Variants in NBPF26 observed in about 807,000 individuals in gnomAD.
NBPF26 encodes the protein NBPF member 26, also known as NBPF family member NBPF26.
NBPF26 carries 79 observed loss-of-function variants against 119.6 expected under a neutral mutation model. The ratio of observed to expected loss-of-function variants is 0.66; its 90% CI spans 0.55 to 0.80. The LOEUF (loss-of-function observed/expected upper bound fraction) is 0.80. Among genes scored for constraint, NBPF26 ranks in the 30% least tolerant of loss-of-function variants. NBPF26 has a pLI of 0.00. For missense variants in NBPF26, 800 were observed against 1,198.2 expected, an observed-to-expected ratio of 0.67 and a Z score of 4.91; for synonymous variants, 299 against 457.7, an observed-to-expected ratio of 0.65 and a Z score of 4.43.
Position 120,840,336 on chromosome 1 carries a change from G to T in NBPF26, c.4104-14G>T, listed in dbSNP as rs1553273397. On this transcript the variant is annotated splice_polypyrimidine_tract_variant and intron_variant, in intron 29 of 29. Transcript: ENST00000620612. ...TTTCCCTGGCTGCTTCTTTAGTTTTGTCTCCTTTTGCAGGCTCAACAGCAT... is the reference window on the plus strand; with the variant it reads ...TTTCCCTGGCTGCTTCTTTAGTTTTTTCTCCTTTTGCAGGCTCAACAGCAT... 11 of 1,443,650 alleles carry T rather than the reference G, an allele frequency of 7.6e-6. 3 individuals carry two copies. The highest frequency in any genetic ancestry group is 3.9e-5 in the Admixed American group (2 of 51,276). The allele number at this position is 1,443,650 out of a possible 1,614,324, so 89.4% of individuals were successfully genotyped here.
intron 1 of NBPF26, among the ~76,000 whole-genome samples, chr1:120,743,702 C>A (rs1404471623): frequency 9.5e-6 from 1 of 105,534 alleles, no homozygotes; most frequent in East Asian, 2.5e-4. Flanking sequence ...GGCTGTGGGA[C>A]CTTGTTCATT....
At chr1:120,819,004 G>A (rs1285165040) in intron 15 of NBPF26, among the ~76,000 whole-genome samples, 2 of 112,754 alleles carry the variant, frequency 1.8e-5, no homozygotes, top group Non-Finnish European at 3.5e-5. Flanking sequence ...TCTGCTTGGT[G>A]GAGAGCTGAG....
intron 5 of NBPF26, 110 bp downstream of exon 5, chr1:120,805,875 T>C: frequency 1.1e-6 from 1 of 879,888 alleles, no homozygotes; most frequent in South Asian, 1.6e-5. Flanking sequence ...CCTGTACTTC[T>C]AGGAAAACAG....
chr1:120,823,790 G>GTGTGTGTT (rs1379538903), intron 17 of NBPF26, among the ~76,000 whole-genome samples, 184 bp from the exon 18 acceptor site: 1 of 109,786 alleles, frequency 9.1e-6, no homozygotes, highest in African/African-American at 5.1e-5. Flanking sequence ...GTGTGTGTGT[G>GTGTGTGTT]TCTTTCATCT....
In NBPF26 at chr1:120,779,695, G is replaced by T. The variant is rs1297972376; in HGVS notation, c.156-5279G>T. On this transcript the variant is annotated intron_variant, in intron 2 of 29. Coordinates refer to ENST00000620612, the Ensembl canonical transcript of NBPF26. The stretch of plus-strand genomic sequence containing the variant: ...CTTAATGGAATTATAGATATGTAAG[G>T]GGTGTTGGGTGTTTAGCCATGTTTT... 1.6e-4 allele frequency among the ~76,000 whole-genome samples: 20 copies of T among 122,090 alleles called. 4 individuals carry two copies. The highest frequency in any genetic ancestry group is 1.2e-3 in the South Asian group (5 of 4,008). The allele number at this position is 122,090 out of a possible 152,430, so 80.1% of individuals were successfully genotyped here.
intron 2 of NBPF26, among the ~76,000 whole-genome samples, chr1:120,783,823 G>T (rs1651392921): frequency 9.0e-6 from 1 of 111,550 alleles, no homozygotes; most frequent in Admixed American, 8.7e-5. Flanking sequence ...TTAGACAGAG[G>T]GAGTCATAGA....
chr1:120,733,113 T>TATA lies in NBPF26; in HGVS notation c.73+8863_73+8864insATA, dbSNP rs1650881354. ...ATTTAGAAAAGCTGTTGATTTATTT[T>TATA]TATATATATATATATATATGTTTAG... is the stretch of plus-strand genomic sequence containing the variant. On this transcript the variant is annotated intron_variant, in intron 1 of 29. Transcript: ENST00000620612. Among the ~76,000 whole-genome samples, 3 of 85,060 alleles carry TATA rather than the reference T, an allele frequency of 3.5e-5. 1 individual carries two copies. The highest frequency in any genetic ancestry group is 1.7e-4 in the African/African-American group (2 of 11,590). 55.8% of individuals were successfully genotyped at this position (85,060 alleles called of 152,430 possible). A position where few individuals can be genotyped will look rare whatever the true frequency, so the allele number is the denominator to read the frequency against.
chr1:120,777,864 G>C (rs1211210777), intron 2 of NBPF26, among the ~76,000 whole-genome samples: 1 of 109,170 alleles, frequency 9.2e-6, no homozygotes, highest in Non-Finnish European at 1.7e-5. Context: ...AAGCCCATCA[G>C]ACCTCAGCCA....
chr1:120,737,634 C>T (rs1404103936), intron 1 of NBPF26, among the ~76,000 whole-genome samples: 5 of 104,632 alleles, frequency 4.8e-5, no homozygotes, highest in African/African-American at 2.8e-4. Context: ...TTTAAAATTT[C>T]AATGACAGCA....
At chr1:120,806,912 A>T (rs1359309681) in intron 5 of NBPF26, among the ~76,000 whole-genome samples, 1 of 126,162 alleles carries the variant, frequency 7.9e-6, no homozygotes, top group Non-Finnish European at 1.6e-5. Flanking sequence ...CTCCTTGAAC[A>T]TTAATTGGCA....
Position 120,789,541 on chromosome 1 carries a change from C to T in NBPF26, c.416-3620C>T, listed in dbSNP as rs1651460292. Among the ~76,000 whole-genome samples, 3 of 107,578 alleles carry T rather than the reference C, an allele frequency of 2.8e-5. 1 individual carries two copies. Among genetic ancestry groups the T allele is most frequent in the Non-Finnish European group, 5.2e-5 (3 of 58,060 alleles). The allele number at this position is 107,578 out of a possible 152,430, so 70.6% of individuals were successfully genotyped here. On this transcript the variant is annotated intron_variant, in intron 3 of 29. Coordinates refer to ENST00000620612, the Ensembl canonical transcript of NBPF26. ...CCCATCAGATCTCATGAGACTTATT[C>T]ACTATCATGAGAATAGCACAGGAAA...
At position 120,763,725 on chromosome 1, in the gene NBPF26, C is replaced by T; in HGVS notation, c.155+16C>T. 6 of 1,162,042 alleles carry T rather than the reference C, an allele frequency of 5.2e-6. 2 individuals are homozygous for T. The South Asian group carries it at 7.8e-5, about 15-fold the overall frequency. The allele number at this position is 1,162,042 out of a possible 1,614,324, so 72.0% of individuals were successfully genotyped here. A position where few individuals can be genotyped will look rare whatever the true frequency, so the allele number is the denominator to read the frequency against. On this transcript the variant is annotated intron_variant, in intron 2 of 29. Coordinates refer to ENST00000620612, the Ensembl canonical transcript of NBPF26. Reference sequence around the variant, plus strand: ...GATACTGCAAGTAAGTTTTTCTCTTCATATATTTTCTTTTTGCGATAGAAC... The same window carrying T: ...GATACTGCAAGTAAGTTTTTCTCTTTATATATTTTCTTTTTGCGATAGAAC...
At chr1:120,815,626 A>C (rs1651992216) in intron 12 of NBPF26, among the ~76,000 whole-genome samples, 1 of 93,044 alleles carries the variant, frequency 1.1e-5, no homozygotes, top group Non-Finnish European at 2.0e-5. Flanking sequence ...CATGGATAGA[A>C]TGTCCCTGAA....
At chr1:120,752,519 AAT>A (rs1204399606) in intron 1 of NBPF26, among the ~76,000 whole-genome samples, 69 of 14,662 alleles carry the variant, frequency 4.7e-3, no homozygotes, top group East Asian at 0.012. Context: ...GAAGTTCAGG[AAT>A]ATATATATAT....
At chr1:120,785,039 A>G in exon 3 of NBPF26, 1 of 1,444,138 alleles carries the variant, frequency 6.9e-7, no homozygotes, top group Non-Finnish European at 9.3e-7. Flanking sequence ...AACCGCTGCC[A>G]GAATGGTGGG....
chr1:120,724,945 AGGCGC>A (rs1650801750), intron 1 of NBPF26, among the ~76,000 whole-genome samples: 1 of 63,670 alleles, frequency 1.6e-5, no homozygotes, highest in East Asian at 3.2e-4. Flanking sequence ...ATTCTTTCCG[AGGCGC>A]GGAGCTCTGC....
At position 120,768,974 on chromosome 1, in the gene NBPF26, TTATAAA is replaced by T. The variant is rs1464670508; in HGVS notation, c.155+5272_155+5277del. Among the ~76,000 whole-genome samples, 8 of 97,910 alleles carry T rather than the reference TTATAAA, an allele frequency of 8.2e-5. No homozygotes were observed. The South Asian group carries it at 9.0e-4, about 11-fold the overall frequency. 64.2% of individuals were successfully genotyped at this position (97,910 alleles called of 152,430 possible). A position where few individuals can be genotyped will look rare whatever the true frequency, so the allele number is the denominator to read the frequency against. On this transcript the variant is annotated intron_variant, in intron 2 of 29. Transcript: ENST00000620612. ...AAAAACTACACTTTAAGGTAAATTATTATAAATATAAAGTGTTATAAAATATAACTT... is the reference window on the plus strand; with the variant it reads ...AAAAACTACACTTTAAGGTAAATTATTATAAAGTGTTATAAAATATAACTT...
rs1651598071 is a variant in NBPF26 at position 120,802,856 on chromosome 1, G to T, written c.752-2700G>T. Among the ~76,000 whole-genome samples, 3 of 101,986 alleles carry T rather than the reference G, an allele frequency of 2.9e-5. 1 individual carries two copies. 66.9% of individuals were successfully genotyped at this position (101,986 alleles called of 152,430 possible). A position where few individuals can be genotyped will look rare whatever the true frequency, so the allele number is the denominator to read the frequency against. On this transcript the variant is annotated intron_variant, in intron 4 of 29. Coordinates refer to ENST00000620612, the Ensembl canonical transcript of NBPF26. ...GGGAAAGTGTTCCCTTCAGTTTGAG[G>T]ACATCACTGGAACATTAGGGAAGTG...
chr1:120,781,624 C>T (rs1448439762), intron 2 of NBPF26, among the ~76,000 whole-genome samples: 3 of 47,128 alleles, frequency 6.4e-5, no homozygotes, highest in Non-Finnish European at 1.0e-4. Flanking sequence ...AGTGCAGTGG[C>T]GCGATCTTGG....
Sources: allele counts gnomAD v4.1 joint callset (sites outside exome capture counted in the v4.1 genomes callset), GRCh38; gene constraint gnomAD v4.1.1; transcripts MANE v1.5; gene names NCBI Gene and HGNC (gene_info 2026-07-23, HGNC 2026-07-21).